PABPC4L: variants seen among roughly 807,000 people sequenced by gnomAD.
PABPC4L encodes the protein polyadenylate-binding protein 4-like.
For synonymous variants in PABPC4L, 169 were observed against 164.1 expected, an observed-to-expected ratio of 1.03 and a Z score of -0.23; for missense variants, 452 against 451.4, an observed-to-expected ratio of 1.00 and a Z score of -0.01.
chr4:133,982,014 T>A, the PABPC4L span, among the ~76,000 whole-genome samples: 1 of 151,962 alleles, frequency 6.6e-6, no homozygotes, highest in African/African-American at 2.4e-5. Flanking sequence ...AAAAGGAAAA[T>A]TTCATGAATA....
chr4:134,156,006 T>G, the PABPC4L span, among the ~76,000 whole-genome samples: 1 of 152,020 alleles, frequency 6.6e-6, no homozygotes, highest in Non-Finnish European at 1.5e-5. Context: ...ATATTTAGAT[T>G]AATAGTACAT....
At chr4:134,188,353 G>T in the PABPC4L span, among the ~76,000 whole-genome samples, 1 of 152,090 alleles carries the variant, frequency 6.6e-6, no homozygotes, top group Non-Finnish European at 1.5e-5. Context: ...TTAAAGGGAA[G>T]ATAAATCATA....
the PABPC4L span, among the ~76,000 whole-genome samples, chr4:134,075,999 C>A: frequency 6.6e-6 from 1 of 150,572 alleles, no homozygotes; most frequent in East Asian, 2.0e-4. Context: ...GCAATCATTT[C>A]TTATAATAGG....
chr4:134,041,445 G>C, the PABPC4L span, among the ~76,000 whole-genome samples: 1 of 152,048 alleles, frequency 6.6e-6, no homozygotes, highest in African/African-American at 2.4e-5. Context: ...GATGAAGCTG[G>C]AAACCATAAT....
chr4:134,090,885 G>A, the PABPC4L span, among the ~76,000 whole-genome samples: 1 of 152,076 alleles, frequency 6.6e-6, no homozygotes, highest in East Asian at 1.9e-4. Context: ...TCTGTTTCTG[G>A]ATTTTCTATT....
At chr4:134,193,188 C>T (rs1729560356), downstream of PABPC4L, among the ~76,000 whole-genome samples, 1 of 151,946 alleles carries the variant, frequency 6.6e-6, no homozygotes, top group Non-Finnish European at 1.5e-5. Context: ...TGATTTTCTA[C>T]TGAATATTCC....
chr4:134,156,665 T>A, the PABPC4L span, among the ~76,000 whole-genome samples: 1 of 151,898 alleles, frequency 6.6e-6, no homozygotes, highest in Non-Finnish European at 1.5e-5. Flanking sequence ...GGGTACCTGT[T>A]AATAAATACT....
At chr4:134,121,928 G>T in the PABPC4L span, among the ~76,000 whole-genome samples, 2 of 151,734 alleles carry the variant, frequency 1.3e-5, no homozygotes, top group African/African-American at 4.8e-5. Flanking sequence ...TGAAAGACAA[G>T]TTCGCCATGA....
chr4:133,958,880 A>G, the PABPC4L span, among the ~76,000 whole-genome samples: 1 of 152,188 alleles, frequency 6.6e-6, no homozygotes, highest in Non-Finnish European at 1.5e-5. Context: ...CAGCCAAACC[A>G]TATCAGATAG....
intron 1 of PABPC4L, 145 bp from the exon 2 acceptor site, chr4:134,201,390 C>G: frequency 1.0e-6 from 1 of 956,566 alleles, no homozygotes; most frequent in Non-Finnish European, 1.4e-6. Flanking sequence ...AAATAGGCCT[C>G]GCTCAGAGTG....
chr4:134,022,652 C>A, the PABPC4L span, among the ~76,000 whole-genome samples: 1 of 151,844 alleles, frequency 6.6e-6, no homozygotes, highest in Non-Finnish European at 1.5e-5. Context: ...ATCACCCTCT[C>A]CTTAGGGTTT....
chr4:134,025,405 T>C, the PABPC4L span, among the ~76,000 whole-genome samples: 9 of 151,842 alleles, frequency 5.9e-5, no homozygotes, highest in Non-Finnish European at 1.0e-4. Flanking sequence ...TCTTCTTCTA[T>C]TGGAAAATTT....
chr4:134,120,183 A>C, the PABPC4L span, among the ~76,000 whole-genome samples: 7 of 150,528 alleles, frequency 4.7e-5, no homozygotes, highest in African/African-American at 1.5e-4. Flanking sequence ...AGTAATTTGT[A>C]CTCTGATTAG....
the PABPC4L span, among the ~76,000 whole-genome samples, chr4:134,027,015 C>T: frequency 6.6e-6 from 1 of 152,040 alleles, no homozygotes; most frequent in Non-Finnish European, 1.5e-5. Flanking sequence ...GTTTGTGGTA[C>T]TTTGTTACAA....
the PABPC4L span, among the ~76,000 whole-genome samples, chr4:134,047,242 T>A: frequency 6.6e-6 from 1 of 152,290 alleles, no homozygotes; most frequent in Non-Finnish European, 1.5e-5. Context: ...AATTGGTCAC[T>A]ACTAGAGTCC....
chr4:133,957,941 C>A, the PABPC4L span, among the ~76,000 whole-genome samples: 2 of 152,150 alleles, frequency 1.3e-5, no homozygotes, highest in Non-Finnish European at 1.5e-5. Context: ...CCTAGGAAAC[C>A]ATTTTTTCTT....
chr4:134,011,915 G>T, the PABPC4L span, among the ~76,000 whole-genome samples: 1 of 152,212 alleles, frequency 6.6e-6, no homozygotes, highest in African/African-American at 2.4e-5. Context: ...AATATTGGGA[G>T]CAGCCTCCCT....
the PABPC4L span, among the ~76,000 whole-genome samples, chr4:133,976,220 TTGTC>T: frequency 6.6e-6 from 1 of 152,136 alleles, no homozygotes; most frequent in Non-Finnish European, 1.5e-5. Flanking sequence ...GGTTTTCTGT[TTGTC>T]TGTTAGTTTC....
the PABPC4L span, among the ~76,000 whole-genome samples, chr4:133,954,989 G>A: frequency 6.6e-6 from 1 of 151,998 alleles, no homozygotes; most frequent in East Asian, 1.9e-4. Flanking sequence ...TTTTTCCTAT[G>A]CCCAACAATG....
Sources: gnomAD v4.1 joint callset for allele counts (sites outside exome capture counted in the v4.1 genomes callset) on GRCh38, gnomAD v4.1.1 for gene constraint, MANE v1.5 for transcripts, NCBI Gene and HGNC (gene_info 2026-07-23, HGNC 2026-07-21) for gene names.